The following MYO10 variants were observed in gnomAD, a reference collection of about 807,000 sequenced individuals.
MYO10 encodes the protein unconventional myosin-X.
MYO10 carries 133 observed loss-of-function variants against 257.3 expected under a neutral mutation model. The ratio of observed to expected loss-of-function variants is 0.52; its 90% CI spans 0.45 to 0.60. MYO10 has a LOEUF of 0.60. MYO10 is among the 20% of genes least tolerant of loss of function. The pLI is 0.00. For missense variants in MYO10, 2,399 were observed against 2,635.7 expected (o/e 0.91, Z 1.97); for synonymous variants, 1,104 against 1,028.6 (o/e 1.07, Z -1.40).
chr5:16,719,989 C>CATGT (rs1554039263), intron 19 of MYO10, among the ~76,000 whole-genome samples: 3 of 143,442 alleles, frequency 2.1e-5, no homozygotes, highest in Non-Finnish European at 3.0e-5. Flanking sequence ...TGTGTGCGTG[C>CATGT]GTGTGTGTGT....
intron 1 of MYO10, among the ~76,000 whole-genome samples, chr5:16,883,206 C>T (rs913569687): frequency 4.6e-5 from 7 of 152,126 alleles, no homozygotes; most frequent in Admixed American, 1.3e-4. Flanking sequence ...TGAGCCACCG[C>T]GCCCGGCCAT....
intron 4 of MYO10, among the ~76,000 whole-genome samples, chr5:16,789,995 T>C (rs943330281): frequency 1.3e-5 from 2 of 151,992 alleles, no homozygotes; most frequent in African/African-American, 2.4e-5. Context: ...TCTTTGTGTT[T>C]CCCACTCCAC....
rs965218107 is a variant in MYO10 at position 16,769,123 on chromosome 5, C to A, written c.1011G>T (p.Gly337=). The change falls in exon 10 of 41, where the codon GGG becomes GGT. Residue 337 remains glycine (G), a synonymous_variant. Coordinates refer to ENST00000513610, the MANE Select transcript of MYO10 (RefSeq NM_012334.3). ...CACCAGCAGTGATAAATTCTATGTT[C>A]CCAAGATGCAGTATACCAGCAAGCA... ...SRLLAGILHL[G]NIEFITAGGA... The A allele has an allele frequency of 1.9e-6, 3 of 1,611,954 alleles. No individual in the cohort carries two copies. The African/African-American group carries it at 4.0e-5, about 22-fold the overall frequency.
chr5:16,742,004 C>T (rs192742031), intron 19 of MYO10: 42 of 985,368 alleles, frequency 4.3e-5, no homozygotes, highest in East Asian at 3.4e-4. Flanking sequence ...TCCAGCCTGG[C>T]GAGGCTGACG....
intron 2 of MYO10, among the ~76,000 whole-genome samples, chr5:16,822,773 C>T (rs192281179): frequency 3.3e-5 from 5 of 151,700 alleles, no homozygotes; most frequent in Non-Finnish European, 5.9e-5. Flanking sequence ...CCGCAAGCTC[C>T]GCCTCCCAGG....
intron 2 of MYO10, among the ~76,000 whole-genome samples, chr5:16,835,976 A>C (rs903730033): frequency 6.6e-6 from 1 of 152,156 alleles, no homozygotes; most frequent in Non-Finnish European, 1.5e-5. Flanking sequence ...ATGAAAGCAA[A>C]GGATGTAAAA....
chr5:16,815,663 G>C (rs73756297), intron 3 of MYO10, among the ~76,000 whole-genome samples: 2,637 of 152,240 alleles, frequency 0.017, 74 homozygotes, highest in African/African-American at 0.06. Flanking sequence ...TAAACAAATA[G>C]TTACACGACA....
chr5:16,735,685 GA>G lies in MYO10; in HGVS notation c.1929+19142del, dbSNP rs767237097. On this transcript the variant is annotated intron_variant, in intron 19 of 40. Transcript: ENST00000513610. The stretch of plus-strand genomic sequence containing the variant: ...TCTAGCCTAGGCGACAGAGCCTCGG[GA>G]AAAAAAAAAAAAAAAAACCCAAACC... 9.1e-3 allele frequency among the ~76,000 whole-genome samples: 904 copies of G among 99,454 alleles called. 9 individuals are homozygous for G. Among genetic ancestry groups the G allele is most frequent in the African/African-American group, 0.023 (638 of 28,252 alleles). 65.2% of individuals were successfully genotyped at this position (99,454 alleles called of 152,430 possible).
In MYO10 at chr5:16,936,093, C is replaced by A. The variant is rs1580168975; in HGVS notation, c.-285G>T. 1 of 451,406 alleles carries A rather than the reference C, an allele frequency of 2.2e-6. No homozygotes were observed. The highest frequency in any genetic ancestry group is 2.1e-5 in the African/African-American group (1 of 48,298). The allele number at this position is 451,406 out of a possible 1,614,324, so 28.0% of individuals were successfully genotyped here. A position where few individuals can be genotyped will look rare whatever the true frequency, so the allele number is the denominator to read the frequency against. ...CGCAAGCGGAGAACAGCTGGTGGCA[C>A]ATTCTTCCCCCAGGCGGGGGAAGGC... On this transcript the variant is annotated 5_prime_UTR_variant, in exon 1 of 41. It removes an upstream start codon present in the reference 5' UTR. Transcript: ENST00000513610.
chr5:16,862,628 G>A (rs1326086993), intron 2 of MYO10, among the ~76,000 whole-genome samples: 2 of 152,064 alleles, frequency 1.3e-5, no homozygotes, highest in African/African-American at 2.4e-5. Context: ...AAAGAATTAC[G>A]TTTGATTCCG....
chr5:16,904,126 T>C (rs558321950), intron 1 of MYO10, among the ~76,000 whole-genome samples: 2 of 152,208 alleles, frequency 1.3e-5, no homozygotes, highest in East Asian at 1.9e-4. Context: ...AAATCAGTCA[T>C]GGTTGCGTCA....
intron 9 of MYO10, among the ~76,000 whole-genome samples, chr5:16,776,821 C>A (rs529755375): frequency 2.6e-5 from 4 of 152,218 alleles, no homozygotes; most frequent in African/African-American, 9.6e-5. Context: ...GCTGCCACTG[C>A]CAAGTGCTCC....
chr5:16,685,367 T>C (rs11738070), intron 29 of MYO10, among the ~76,000 whole-genome samples: 46,132 of 151,750 alleles, frequency 0.3, 7,080 homozygotes, highest in South Asian at 0.38. Flanking sequence ...CATAATACCA[T>C]GCCTGGATAA....
chr5:16,878,671 T>C, intron 1 of MYO10, among the ~76,000 whole-genome samples: 1 of 152,216 alleles, frequency 6.6e-6, no homozygotes, highest in East Asian at 1.9e-4. Context: ...AATGAAATAA[T>C]GGCATTCACA....
In MYO10 at chr5:16,836,939, C is replaced by T. The variant is rs180813100; in HGVS notation, c.121-18772G>A. 3.6e-3 allele frequency among the ~76,000 whole-genome samples: 542 copies of T among 152,280 alleles called. 4 individuals carry two copies. The highest frequency in any genetic ancestry group is 0.012 in the African/African-American group (511 of 41,558). Reference sequence around the variant, plus strand: ...TCCTATTAGCCAAAAGTGGAAACAACCCAAATGGTTGTAACAGATGATAGA... The same window carrying T: ...TCCTATTAGCCAAAAGTGGAAACAATCCAAATGGTTGTAACAGATGATAGA... On this transcript the variant is annotated intron_variant, in intron 2 of 40. Coordinates refer to ENST00000513610, the MANE Select transcript of MYO10 (RefSeq NM_012334.3).
chr5:16,818,396 G>GTA lies in MYO10; in HGVS notation c.121-230_121-229insTA, dbSNP rs1329747245. Among the ~76,000 whole-genome samples, 970 of 111,870 alleles carry GTA rather than the reference G, an allele frequency of 8.7e-3. 13 individuals are homozygous for GTA. Among genetic ancestry groups the GTA allele is most frequent in the South Asian group, 0.02 (61 of 3,040 alleles). 73.4% of individuals were successfully genotyped at this position (111,870 alleles called of 152,430 possible). On this transcript the variant is annotated intron_variant, in intron 2 of 40. Coordinates refer to ENST00000513610, the MANE Select transcript of MYO10 (RefSeq NM_012334.3). ...TGTGTGTGTGCGTGTGTGTGTGTGT[G>GTA]TGTGTGTGTGTGTGTATATATATAT...
chr5:16,838,357 T>C (rs935269970), intron 2 of MYO10, among the ~76,000 whole-genome samples: 3 of 152,270 alleles, frequency 2.0e-5, no homozygotes, highest in Non-Finnish European at 2.9e-5. Flanking sequence ...GTTGCTGACA[T>C]AGAGGAAGTT....
At chr5:16,837,180 G>C (rs571167069) in intron 2 of MYO10, among the ~76,000 whole-genome samples, 2 of 152,040 alleles carry the variant, frequency 1.3e-5, no homozygotes, top group Admixed American at 6.6e-5. Flanking sequence ...CGTGGTGGCA[G>C]AGGCCTGTAA....
Position 16,701,598 on chromosome 5 carries a change from C to T in MYO10, c.2797G>A (p.Glu933Lys). 1 of 1,613,338 alleles carries T rather than the reference C, an allele frequency of 6.2e-7. No homozygotes were observed. Among genetic ancestry groups the T allele is most frequent in the Non-Finnish European group, 8.5e-7 (1 of 1,179,678 alleles). ...RDQELRRLEE[E>K]ACRAAQEFLE... ...AACTCCTGGGCCGCCCTGCACGCTT[C>T]CTCCTCCAGCCTGCGGAGCTCCTGG... The change falls in exon 25 of 41, where the codon GAA (glutamate) becomes AAA (lysine). Residue 933 changes from glutamate to lysine, a missense_variant. Glu to Lys is a moderately conservative substitution (Grantham distance 56). This residue lies in a region of MYO10 where 1,820 missense variants were observed against 1,939.4 expected (regional missense o/e 0.94). Transcript: ENST00000513610. The surrounding 1 kb of genome is among the most constrained non-coding windows in gnomAD (Gnocchi z 8.1).
Sources: allele counts gnomAD v4.1 joint callset (sites outside exome capture counted in the v4.1 genomes callset), GRCh38; gene constraint gnomAD v4.1.1; regional missense constraint gnomAD v4.1.1; non-coding constraint Gnocchi (gnomAD v3.1); transcripts MANE v1.5; gene names NCBI Gene and HGNC (gene_info 2026-07-23, HGNC 2026-07-21).